The following ZNF469 variants were observed in gnomAD, a reference collection of about 807,000 sequenced individuals.
The protein encoded by ZNF469 is zinc finger protein 469.
A neutral mutation model predicts 1.0 loss-of-function variants in ZNF469; 1 was observed. The observed-to-expected ratio is 1.00, with a 90% CI of 0.35 to 4.73. The LOEUF (loss-of-function observed/expected upper bound fraction) is 4.73, where lower values mean the gene tolerates loss of function less well. ZNF469 is among the 30% of genes most tolerant of loss of function. The pLI is 0.16. For synonymous variants in ZNF469, 2,703 were observed against 2,363.4 expected (o/e 1.14, Z -4.17); for missense variants, 6,100 against 5,356.3 (o/e 1.14, Z -4.33).
the ZNF469 span, among the ~76,000 whole-genome samples, chr16:88,169,858 G>C: frequency 6.6e-6 from 1 of 152,192 alleles, no homozygotes; most frequent in Non-Finnish European, 1.5e-5. This position sits in a 1 kb window ranked among gnomAD's most constrained non-coding sequence, Gnocchi z 6.1. Context: ...TCTGGCACAC[G>C]TGGGCCCACC....
chr16:88,381,565 C>T (rs544596820), upstream of ZNF469, among the ~76,000 whole-genome samples: 4 of 152,346 alleles, frequency 2.6e-5, no homozygotes, highest in Admixed American at 6.5e-5. Context: ...TTAGGAAACC[C>T]GCTTGATTGA....
At chr16:88,179,764 C>A in the ZNF469 span, among the ~76,000 whole-genome samples, 27,089 of 152,138 alleles carry the variant, frequency 0.18, 3,018 homozygotes, top group South Asian at 0.36. Context: ...AAAAGATATC[C>A]AAAGACAGAA....
chr16:88,198,939 C>T, the ZNF469 span, among the ~76,000 whole-genome samples: 28 of 152,206 alleles, frequency 1.8e-4, no homozygotes, highest in Admixed American at 3.3e-4. Flanking sequence ...AACTCCAGGG[C>T]GGCTGCTTGA....
chr16:88,188,155 G>A, the ZNF469 span, among the ~76,000 whole-genome samples: 1 of 152,048 alleles, frequency 6.6e-6, no homozygotes, highest in Admixed American at 6.6e-5. Flanking sequence ...TGCCTGGGGT[G>A]CCCTTCCTTG....
chr16:88,223,388 A>C, the ZNF469 span, among the ~76,000 whole-genome samples: 1 of 152,206 alleles, frequency 6.6e-6, no homozygotes, highest in Admixed American at 6.5e-5. Context: ...CTGTGAGTCC[A>C]TTAAACCTCT....
the ZNF469 span, among the ~76,000 whole-genome samples, chr16:88,238,565 C>T: frequency 6.6e-5 from 10 of 152,318 alleles, no homozygotes; most frequent in African/African-American, 2.2e-4. Flanking sequence ...CTTAGGAGGC[C>T]ACTGTCCAGG....
At chr16:88,140,598 T>A in the ZNF469 span, among the ~76,000 whole-genome samples, 519 of 152,354 alleles carry the variant, frequency 3.4e-3, no homozygotes, top group African/African-American at 0.012. Context: ...TAAAACTGTG[T>A]TAATCCAGGA....
the ZNF469 span, among the ~76,000 whole-genome samples, chr16:88,181,496 T>A: frequency 6.6e-6 from 1 of 152,124 alleles, no homozygotes; most frequent in Non-Finnish European, 1.5e-5. Flanking sequence ...CACAACAGAA[T>A]TAAGCCAGAA....
At chr16:88,239,181 C>T in the ZNF469 span, among the ~76,000 whole-genome samples, 1 of 152,092 alleles carries the variant, frequency 6.6e-6, no homozygotes, top group East Asian at 1.9e-4. Context: ...GAAGTCTCTG[C>T]CATCGGCTAT....
chr16:88,250,414 T>G, the ZNF469 span, among the ~76,000 whole-genome samples: 5,092 of 152,132 alleles, frequency 0.033, 279 homozygotes, highest in African/African-American at 0.12. Context: ...TGAATAGTAT[T>G]TCATTTTGTG....
the ZNF469 span, among the ~76,000 whole-genome samples, chr16:88,129,656 C>A: frequency 6.6e-6 from 1 of 152,092 alleles, no homozygotes; most frequent in Admixed American, 6.5e-5. Flanking sequence ...GATTTTGAGA[C>A]CAGCCTAGGC....
chr16:88,198,409 T>G, the ZNF469 span, among the ~76,000 whole-genome samples: 48,322 of 152,132 alleles, frequency 0.32, 8,270 homozygotes, highest in Middle Eastern at 0.48. Context: ...CAGAGGCTAT[T>G]GCAGTTGTCC....
At chr16:88,310,652 G>A in the ZNF469 span, among the ~76,000 whole-genome samples, 2 of 150,994 alleles carry the variant, frequency 1.3e-5, no homozygotes, top group African/African-American at 4.9e-5. Context: ...GCGCGATCTC[G>A]GCTCACTGCA....
rs762160933 is a variant in ZNF469 at position 88,429,512 on chromosome 16, C to A, written c.2042C>A (p.Ala681Asp). 6 of 1,528,526 alleles carry A rather than the reference C, an allele frequency of 3.9e-6. No individual in the cohort carries two copies. Among genetic ancestry groups the A allele is most frequent in the Non-Finnish European group, 4.4e-6 (5 of 1,134,294 alleles). The allele number at this position is 1,528,526 out of a possible 1,614,324, so 94.7% of individuals were successfully genotyped here. The change falls in exon 3 of 3, where the codon GCC becomes GAC. Residue 681 changes from alanine to aspartate, a missense_variant. Coordinates refer to ENST00000565624, the MANE Select transcript of ZNF469 (RefSeq NM_001367624.2). ...GCAGATGGGCTGGGAGCCGAGGGTG[C>A]CTTCCAGTGCCTGGAGGAGACCCCA... ...FPADGLGAEG[A>D]FQCLEETPFP... is the part of the protein sequence containing the mutation.
chr16:88,246,019 A>G, the ZNF469 span, among the ~76,000 whole-genome samples: 3 of 152,274 alleles, frequency 2.0e-5, no homozygotes, highest in South Asian at 6.2e-4. Flanking sequence ...GGCGCCATGC[A>G]AAGTTTATTG....
chr16:88,235,752 T>A, the ZNF469 span, among the ~76,000 whole-genome samples: 4 of 152,116 alleles, frequency 2.6e-5, no homozygotes, highest in Non-Finnish European at 5.9e-5. Context: ...TTGAAGAGAG[T>A]TATTCTGAGC....
At chr16:88,174,084 A>G in the ZNF469 span, among the ~76,000 whole-genome samples, 1 of 152,188 alleles carries the variant, frequency 6.6e-6, no homozygotes, top group African/African-American at 2.4e-5. Context: ...AGACCGAAGT[A>G]TATGTTGCCT....
At chr16:88,140,865 G>A in the ZNF469 span, among the ~76,000 whole-genome samples, 63 of 152,258 alleles carry the variant, frequency 4.1e-4, no homozygotes, top group African/African-American at 1.5e-3. Flanking sequence ...CCCAGGAGGC[G>A]GAGGTTGCAG....
At chr16:88,115,139 C>T in the ZNF469 span, among the ~76,000 whole-genome samples, 7 of 152,244 alleles carry the variant, frequency 4.6e-5, no homozygotes, top group East Asian at 9.7e-4. Flanking sequence ...CCGGGCTCTG[C>T]GCATTCAGGG....
Sources: allele counts gnomAD v4.1 joint callset (sites outside exome capture counted in the v4.1 genomes callset), GRCh38; gene constraint gnomAD v4.1.1; non-coding constraint Gnocchi (gnomAD v3.1); transcripts MANE v1.5; gene names NCBI Gene and HGNC (gene_info 2026-07-23, HGNC 2026-07-21).